Variants in ATP1B2 observed in about 807,000 individuals in gnomAD.
ATP1B2 encodes ATPase Na+/K+ transporting subunit beta 2, also known as sodium/potassium-transporting ATPase subunit beta-2.
ATP1B2 carries 12 observed loss-of-function variants against 37.3 expected under a neutral mutation model. The ratio of observed to expected loss-of-function variants is 0.32; its 90% CI spans 0.21 to 0.52. The LOEUF (loss-of-function observed/expected upper bound fraction) is 0.52. Ranked by LOEUF, ATP1B2 falls within the 20% of genes least tolerant of loss-of-function variation. The pLI is 0.96. For missense variants in ATP1B2, 324 were observed against 391.6 expected (o/e 0.83, Z 1.46); for synonymous variants, 139 against 140.5 (o/e 0.99, Z 0.07).
Position 7,654,539 on chromosome 17 carries a change from G to T in ATP1B2, c.553-89G>T. Reference sequence around the variant, plus strand: ...CCCGCCTCAACCTCCCTAGTAGTTGGGACTACAGTCCCCGGCTTAGCTTGG... The same window carrying T: ...CCCGCCTCAACCTCCCTAGTAGTTGTGACTACAGTCCCCGGCTTAGCTTGG... On this transcript the variant is annotated intron_variant, in intron 4 of 6. Transcript: ENST00000250111. The surrounding 1 kb of genome is among the most constrained non-coding windows in gnomAD (Gnocchi z 4.9). 6 of 1,413,782 alleles carry T rather than the reference G, an allele frequency of 4.2e-6. No homozygotes were observed. The highest frequency in any genetic ancestry group is 6.0e-6 in the Non-Finnish European group (6 of 999,396). 87.6% of individuals were successfully genotyped at this position (1,413,782 alleles called of 1,614,324 possible). A position where few individuals can be genotyped will look rare whatever the true frequency, so the allele number is the denominator to read the frequency against.
At position 7,651,485 on chromosome 17, in the gene ATP1B2, C is replaced by A. The variant is rs1271455638; in HGVS notation, c.-34C>A. 6.5e-6 allele frequency: 10 copies of A among 1,542,472 alleles called. No individual in the cohort carries two copies. Among genetic ancestry groups the A allele is most frequent in the Admixed American group, 1.9e-5 (1 of 51,570 alleles). On this transcript the variant is annotated 5_prime_UTR_variant, in exon 1 of 7. Transcript: ENST00000250111. The stretch of plus-strand genomic sequence containing the variant: ...GCGCCCCCGCTTCTCCGCAACCCCC[C>A]GCCCCGCGCCCGGACTCGCCCCGCG...
rs1354561905 is a variant in ATP1B2, at chr17:7,654,753, T to C, written c.609+69T>C. 2 of 1,544,396 alleles carry C rather than the reference T, an allele frequency of 1.3e-6. No homozygotes were observed. Among genetic ancestry groups the C allele is most frequent in the Non-Finnish European group, 1.8e-6 (2 of 1,116,668 alleles). ...ACCTGAGTGTCCTTCATGGTTTCTG[T>C]GTAATTCACCTGTCTCTCCCTATCT... On this transcript the variant is annotated intron_variant, in intron 5 of 6. Coordinates refer to ENST00000250111, the MANE Select transcript of ATP1B2 (RefSeq NM_001678.5). The surrounding 1 kb of genome is among the most constrained non-coding windows in gnomAD (Gnocchi z 4.9).
At position 7,656,170 on chromosome 17, in the gene ATP1B2, T is replaced by C. The variant is rs2072650592; in HGVS notation, c.*275T>C. 1 of 490,380 alleles carries C rather than the reference T, an allele frequency of 2.0e-6. No individual in the cohort carries two copies. 30.4% of individuals were successfully genotyped at this position (490,380 alleles called of 1,614,324 possible). On this transcript the variant is annotated 3_prime_UTR_variant, in exon 7 of 7. Coordinates refer to ENST00000250111, the MANE Select transcript of ATP1B2 (RefSeq NM_001678.5). ...GAGGAGTTAGGAGCCTTTCTAGTTC[T>C]GGTTTAGCTGTGAGAGCTATCCACT...
chr17:7,653,063 G>A (rs1483904661), intron 1 of ATP1B2, among the ~76,000 whole-genome samples: 2 of 152,164 alleles, frequency 1.3e-5, no homozygotes, highest in African/African-American at 2.4e-5. Flanking sequence ...TAACAGATGT[G>A]TGCCTTGTCA....
At position 7,655,417 on chromosome 17, in the gene ATP1B2, A is replaced by G. The variant is rs2072643212; in HGVS notation, c.610-110A>G. ...AGCTCCAGGGAGGCAGACTTGAGAC[A>G]GGAATAATTGGGGCGAAGGAAGAAC... On this transcript the variant is annotated intron_variant, in intron 5 of 6. Transcript: ENST00000250111. The surrounding 1 kb of genome is among the most constrained non-coding windows in gnomAD (Gnocchi z 4.4). 1 of 1,050,272 alleles carries G rather than the reference A, an allele frequency of 9.5e-7. No individual in the cohort carries two copies. Among genetic ancestry groups the G allele is most frequent in the South Asian group, 1.4e-5 (1 of 70,192 alleles). 65.1% of individuals were successfully genotyped at this position (1,050,272 alleles called of 1,614,324 possible). A position where few individuals can be genotyped will look rare whatever the true frequency, so the allele number is the denominator to read the frequency against.
rs1258130306 is a variant in ATP1B2, at chr17:7,654,865, C to T, written c.609+181C>T. 2 of 637,316 alleles carry T rather than the reference C, an allele frequency of 3.1e-6. No individual in the cohort carries two copies. Among genetic ancestry groups the T allele is most frequent in the South Asian group, 1.9e-5 (1 of 51,604 alleles). 39.5% of individuals were successfully genotyped at this position (637,316 alleles called of 1,614,324 possible). On this transcript the variant is annotated intron_variant, in intron 5 of 6. Transcript: ENST00000250111. The surrounding 1 kb of genome is among the most constrained non-coding windows in gnomAD (Gnocchi z 4.9). ...CCACTGTAGCTTGAACTCCGAGGGCCCCGCACTCCTCTTGCTTCTCTCTGG... is the reference window on the plus strand; with the variant it reads ...CCACTGTAGCTTGAACTCCGAGGGCTCCGCACTCCTCTTGCTTCTCTCTGG...
At chr17:7,648,619 A>G (rs569601623), upstream of ATP1B2, among the ~76,000 whole-genome samples, 2 of 149,450 alleles carry the variant, frequency 1.3e-5, no homozygotes, top group Admixed American at 1.3e-4. Context: ...TAGTGCCTCT[A>G]AGGGCATTTT....
In ATP1B2 at chr17:7,651,576, T is replaced by G; in HGVS notation, c.58T>G (p.Phe20Val). 3 of 1,607,752 alleles carry G rather than the reference T, an allele frequency of 1.9e-6. No homozygotes were observed. Among genetic ancestry groups the G allele is most frequent in the Non-Finnish European group, 2.5e-6 (3 of 1,177,464 alleles). The part of the protein sequence containing the change: ...CGQVVEEWKE[F>V]VWNPRTHQFM... ...GCAGGTGGTTGAGGAGTGGAAGGAGTTCGTGTGGAACCCGAGGACGCACCA... is the reference window on the plus strand; with the variant it reads ...GCAGGTGGTTGAGGAGTGGAAGGAGGTCGTGTGGAACCCGAGGACGCACCA... The change falls in exon 1 of 7, where the codon TTC becomes GTC. Residue 20 changes from phenylalanine to valine, a missense_variant. Phe to Val is a conservative substitution (Grantham distance 50, BLOSUM62 -1). Transcript: ENST00000250111.
intron 1 of ATP1B2, among the ~76,000 whole-genome samples, chr17:7,653,023 C>T (rs937196505): frequency 6.6e-6 from 1 of 152,162 alleles, no homozygotes; most frequent in African/African-American, 2.4e-5. Flanking sequence ...CATGCTAGCA[C>T]AGCTTTAAGC....
At chr17:7,649,585 C>T (rs1251348797), upstream of ATP1B2, among the ~76,000 whole-genome samples, 2 of 148,292 alleles carry the variant, frequency 1.3e-5, no homozygotes, top group Non-Finnish European at 3.0e-5. Flanking sequence ...GAGACGGAAG[C>T]TCTGTTGCCC....
At position 7,654,736 on chromosome 17, in the gene ATP1B2, GTCCT is replaced by G. The variant is rs917487523; in HGVS notation, c.609+55_609+58del. The G allele has an allele frequency of 2.5e-6, 4 of 1,579,280 alleles. No homozygotes were observed. The African/African-American group carries it at 5.4e-5, about 21-fold the overall frequency. On this transcript the variant is annotated intron_variant, in intron 5 of 6. Transcript: ENST00000250111. The surrounding 1 kb of genome is among the most constrained non-coding windows in gnomAD (Gnocchi z 4.9). ...GCTCACCTGAGTGGCTCACCTGAGTGTCCTTCATGGTTTCTGTGTAATTCACCTG... is the reference window on the plus strand; with the variant it reads ...GCTCACCTGAGTGGCTCACCTGAGTGTCATGGTTTCTGTGTAATTCACCTG...
At chr17:7,653,352 G>A in intron 1 of ATP1B2, 22 bp from the exon 2 acceptor site, 1 of 1,613,748 alleles carries the variant, frequency 6.2e-7, no homozygotes, top group Non-Finnish European at 8.5e-7. Flanking sequence ...GGGCCCTGCT[G>A]ACCCTGTTTC....
rs1235909501 is a variant in ATP1B2 at position 7,653,882 on chromosome 17, G to T, written c.283G>T (p.Val95Phe). Residue 95 changes from valine to phenylalanine, a missense_variant, in exon 3 of 7, where the codon GTC (valine) becomes TTC (phenylalanine). By Grantham distance (50) the Val-to-Phe change is conservative (BLOSUM62 -1). Coordinates refer to ENST00000250111, the MANE Select transcript of ATP1B2 (RefSeq NM_001678.5). ...RPKTENLDVIVNVSDTESWDQ... is the reference protein window; with the variant it reads ...RPKTENLDVIFNVSDTESWDQ... ...CAAGACTGAGAACCTTGATGTCATT[G>T]TCAATGTCAGTGACACTGAAAGCTG... is the stretch of plus-strand genomic sequence containing the variant. 2 of 1,614,116 alleles carry T rather than the reference G, an allele frequency of 1.2e-6. No homozygotes were observed. Among genetic ancestry groups the T allele is most frequent in the Non-Finnish European group, 1.7e-6 (2 of 1,180,030 alleles).
chr17:7,649,285 T>A (rs1207299999), upstream of ATP1B2, among the ~76,000 whole-genome samples: 1 of 152,068 alleles, frequency 6.6e-6, no homozygotes, highest in African/African-American at 2.4e-5. Context: ...ACTCCTGACC[T>A]CTGGTCTCGA....
rs1641511 is a variant in ATP1B2 at position 7,656,359 on chromosome 17, G to A, written c.*464G>A. On this transcript the variant is annotated 3_prime_UTR_variant, in exon 7 of 7. Coordinates refer to ENST00000250111, the MANE Select transcript of ATP1B2 (RefSeq NM_001678.5). ...CTCCCTCCTTCCATTCCTAAGCTCTGGCCACCGTCCCTTGATCTCTCATAC... is the reference window on the plus strand; with the variant it reads ...CTCCCTCCTTCCATTCCTAAGCTCTAGCCACCGTCCCTTGATCTCTCATAC... 123,435 of 171,492 alleles carry A rather than the reference G, an allele frequency of 0.72. 44,981 individuals are homozygous for A. The highest frequency in any genetic ancestry group is 0.91 in the Middle Eastern group (302 of 332). The allele number at this position is 171,492 out of a possible 1,614,324, so 10.6% of individuals were successfully genotyped here. A position where few individuals can be genotyped will look rare whatever the true frequency, so the allele number is the denominator to read the frequency against.
chr17:7,655,409 C>T lies in ATP1B2; in HGVS notation c.610-118C>T, dbSNP rs894990954. On this transcript the variant is annotated intron_variant, in intron 5 of 6. Transcript: ENST00000250111. The surrounding 1 kb of genome is among the most constrained non-coding windows in gnomAD (Gnocchi z 4.4). ...AGACTCACAGCTCCAGGGAGGCAGA[C>T]TTGAGACAGGAATAATTGGGGCGAA... 3 of 973,968 alleles carry T rather than the reference C, an allele frequency of 3.1e-6. No individual in the cohort carries two copies. The highest frequency in any genetic ancestry group is 3.2e-5 in the African/African-American group (2 of 62,156). The allele number at this position is 973,968 out of a possible 1,614,324, so 60.3% of individuals were successfully genotyped here.
chr17:7,651,190 C>A lies in ATP1B2; in HGVS notation c.-329C>A. ...TTTGTAGCCGTCTGTTTTTGCACCC[C>A]ATTTCGTTTTGTTTCTAGACGGTTT... On this transcript the variant is annotated 5_prime_UTR_variant, in exon 1 of 7. Coordinates refer to ENST00000250111, the MANE Select transcript of ATP1B2 (RefSeq NM_001678.5). The A allele has an allele frequency of 3.6e-6, 1 of 280,874 alleles. No homozygotes were observed. The allele number at this position is 280,874 out of a possible 1,614,324, so 17.4% of individuals were successfully genotyped here.
upstream of ATP1B2, among the ~76,000 whole-genome samples, chr17:7,650,466 T>C (rs1372806334): frequency 2.0e-5 from 3 of 152,138 alleles, no homozygotes; most frequent in African/African-American, 7.2e-5. Flanking sequence ...GCTTCCCTCC[T>C]GGCTCGGCCA....
rs978207588 is a variant in ATP1B2, at chr17:7,655,896, G to A, written c.*1G>A. 1.3e-5 allele frequency: 21 copies of A among 1,613,740 alleles called. No individual in the cohort carries two copies. The highest frequency in any genetic ancestry group is 1.7e-5 in the Non-Finnish European group (20 of 1,179,912). On this transcript the variant is annotated 3_prime_UTR_variant, in exon 7 of 7. Transcript: ENST00000250111. This position sits in a 1 kb window ranked among gnomAD's most constrained non-coding sequence, Gnocchi z 4.4. ...CAAACTCCGCATCAACAAAACCTGA[G>A]GCCCCTTCCTCCCACCCCATCTCTC...
Sources: gnomAD v4.1 joint callset for allele counts (sites outside exome capture counted in the v4.1 genomes callset) on GRCh38, gnomAD v4.1.1 for gene constraint, Gnocchi (gnomAD v3.1) non-coding constraint, MANE v1.5 for transcripts, NCBI Gene and HGNC (gene_info 2026-07-23, HGNC 2026-07-21) for gene names.